The following SYNDIG1 variants were observed in gnomAD, a reference collection of about 807,000 sequenced individuals.
SYNDIG1 encodes the protein synapse differentiation inducing 1.
SYNDIG1 carries 9 observed loss-of-function variants against 19.4 expected under a neutral mutation model. The ratio of observed to expected loss-of-function variants is 0.46; its 90% CI spans 0.28 to 0.81. The LOEUF is 0.81. Ranked by LOEUF, SYNDIG1 falls within the 30% of genes least tolerant of loss-of-function variation. The probability of loss-of-function intolerance (pLI) is 0.12; values close to 1 mark genes in which losing one functional copy is unlikely to be tolerated. For synonymous variants in SYNDIG1, 141 were observed against 145.9 expected (o/e 0.97, Z 0.24); for missense variants, 311 against 343.3 (o/e 0.91, Z 0.74).
chr20:24,628,446 A>G (rs1309147083), intron 3 of SYNDIG1, among the ~76,000 whole-genome samples: 1 of 152,232 alleles, frequency 6.6e-6, no homozygotes, highest in Admixed American at 6.5e-5. Context: ...AGGTGGCCTC[A>G]CTAAGGGCTT....
intron 3 of SYNDIG1, among the ~76,000 whole-genome samples, chr20:24,591,150 G>C (rs6138333): frequency 6.6e-6 from 1 of 151,778 alleles, no homozygotes; most frequent in Admixed American, 6.6e-5. Flanking sequence ...AAAACATTTA[G>C]AAAATGCACG....
rs76982625 is a variant in SYNDIG1, at chr20:24,576,373, C to A, written c.481-8483C>A. Among the ~76,000 whole-genome samples the A allele has an allele frequency of 2.9e-3, 440 of 152,182 alleles. 11 individuals are homozygous for A. The East Asian group carries it at 0.049, about 17-fold the overall frequency. On this transcript the variant is annotated intron_variant, in intron 2 of 3. Coordinates refer to ENST00000376862, the MANE Select transcript of SYNDIG1 (RefSeq NM_024893.3). ...CAGTTGACATTTTAACGACATTGCC[C>A]ACGATTTCATTTTCTTATGATGGTT...
intron 3 of SYNDIG1, among the ~76,000 whole-genome samples, chr20:24,647,624 G>T (rs2059434358): frequency 6.6e-6 from 1 of 151,910 alleles, no homozygotes; most frequent in Non-Finnish European, 1.5e-5. Flanking sequence ...GGAACCAGAT[G>T]GAGCAGGTGA....
rs138575591 is a variant in SYNDIG1 at position 24,574,589 on chromosome 20, G to T, written c.481-10267G>T. 2.7e-4 allele frequency among the ~76,000 whole-genome samples: 41 copies of T among 152,314 alleles called. No individual in the cohort carries two copies. In the East Asian group the frequency reaches 2.7e-3, roughly 10 times the overall value. On this transcript the variant is annotated intron_variant, in intron 2 of 3. Transcript: ENST00000376862. ...ACTGAGCACTTCCAGGCCACAGGAA[G>T]AACTTAGCCTGATGGGTGAACTCAA...
intron 1 of SYNDIG1, among the ~76,000 whole-genome samples, chr20:24,470,912 G>A (rs144239158): frequency 1.3e-5 from 2 of 151,820 alleles, no homozygotes; most frequent in East Asian, 2.0e-4. Flanking sequence ...CCCTGGCCAC[G>A]TCCTGGTGTT....
chr20:24,614,390 TTTTG>T (rs1222911987), intron 3 of SYNDIG1, among the ~76,000 whole-genome samples: 2 of 152,190 alleles, frequency 1.3e-5, no homozygotes, highest in Non-Finnish European at 2.9e-5. Flanking sequence ...AAATATACTT[TTTTG>T]TTTGTTTGTT....
intron 3 of SYNDIG1, among the ~76,000 whole-genome samples, chr20:24,606,756 T>A (rs2058762534): frequency 6.6e-6 from 1 of 152,092 alleles, no homozygotes; most frequent in South Asian, 2.1e-4. Flanking sequence ...GCATACAGGA[T>A]CAGTGGGGGC....
chr20:24,619,333 A>G (rs770613337), intron 3 of SYNDIG1, among the ~76,000 whole-genome samples: 50 of 152,160 alleles, frequency 3.3e-4, no homozygotes, highest in Non-Finnish European at 6.6e-4. Context: ...TTTTCTGAAG[A>G]GTGGGGACCC....
chr20:24,536,725 G>A (rs1239766122), intron 1 of SYNDIG1, among the ~76,000 whole-genome samples: 1 of 152,076 alleles, frequency 6.6e-6, no homozygotes, highest in Non-Finnish European at 1.5e-5. Context: ...ATGGTCTCAG[G>A]CCCCCCATGT....
At chr20:24,650,637 C>T (rs1305750417) in intron 3 of SYNDIG1, among the ~76,000 whole-genome samples, 1 of 152,210 alleles carries the variant, frequency 6.6e-6, no homozygotes, top group Non-Finnish European at 1.5e-5. Context: ...GAGCACCAGC[C>T]CAGCCTCCCA....
intron 2 of SYNDIG1, among the ~76,000 whole-genome samples, chr20:24,569,946 C>T (rs922499134): frequency 1.3e-5 from 2 of 152,174 alleles, no homozygotes; most frequent in African/African-American, 4.8e-5. Flanking sequence ...TCTGTTGTAT[C>T]TATTTGAAGT....
At chr20:24,646,403 G>A (rs2059423085) in intron 3 of SYNDIG1, among the ~76,000 whole-genome samples, 2 of 152,132 alleles carry the variant, frequency 1.3e-5, no homozygotes, top group Admixed American at 1.3e-4. Flanking sequence ...TTGGGTCAAG[G>A]GGGCAGATCT....
intron 3 of SYNDIG1, among the ~76,000 whole-genome samples, chr20:24,596,588 AG>A (rs148303007): frequency 0.03 from 4,530 of 152,200 alleles, 218 homozygotes; most frequent in African/African-American, 0.1. Context: ...CATGTTGCCT[AG>A]GCTAGCCTCG....
intron 2 of SYNDIG1, among the ~76,000 whole-genome samples, chr20:24,570,634 C>A (rs942567988): frequency 1.3e-5 from 2 of 152,066 alleles, no homozygotes; most frequent in Non-Finnish European, 2.9e-5. Context: ...TAGCTAAAAT[C>A]CAAAATGTTG....
chr20:24,593,660 G>A (rs1328638593), intron 3 of SYNDIG1, among the ~76,000 whole-genome samples: 2 of 152,208 alleles, frequency 1.3e-5, no homozygotes, highest in Non-Finnish European at 2.9e-5. Context: ...CACCAGCAGT[G>A]TAAAAGCATT....
At chr20:24,504,156 C>A (rs1240627642) in intron 1 of SYNDIG1, among the ~76,000 whole-genome samples, 1 of 152,154 alleles carries the variant, frequency 6.6e-6, no homozygotes, top group Non-Finnish European at 1.5e-5. Flanking sequence ...GACAGGGCTT[C>A]ACCGTGTTAG....
chr20:24,586,844 G>A (rs1002302081), intron 3 of SYNDIG1, among the ~76,000 whole-genome samples: 8 of 152,220 alleles, frequency 5.3e-5, no homozygotes, highest in Non-Finnish European at 7.3e-5. Context: ...TGTGGTGTCC[G>A]TGGTCTCTGC....
At chr20:24,553,405 T>C (rs964448944) in intron 2 of SYNDIG1, among the ~76,000 whole-genome samples, 2 of 152,252 alleles carry the variant, frequency 1.3e-5, no homozygotes, top group African/African-American at 4.8e-5. Context: ...TCCTGAATGG[T>C]AATGCCTAGG....
At chr20:24,580,839 C>T (rs893599862) in intron 2 of SYNDIG1, among the ~76,000 whole-genome samples, 7 of 152,110 alleles carry the variant, frequency 4.6e-5, no homozygotes, top group Non-Finnish European at 1.0e-4. Flanking sequence ...TGGAGGAGTG[C>T]CCTGAAAGCT....
Sources: gnomAD v4.1 joint callset for allele counts (sites outside exome capture counted in the v4.1 genomes callset) on GRCh38, gnomAD v4.1.1 for gene constraint, MANE v1.5 for transcripts, NCBI Gene and HGNC (gene_info 2026-07-23, HGNC 2026-07-21) for gene names.